FNDC3B: variants seen among roughly 807,000 people sequenced by gnomAD.
The protein encoded by FNDC3B is fibronectin type III domain containing 3B.
Under a neutral mutation model 151.5 loss-of-function variants are expected in FNDC3B, and 12 were observed. The ratio of observed to expected loss-of-function variants is 0.08; its 90% CI spans 0.05 to 0.13. The LOEUF (loss-of-function observed/expected upper bound fraction) is 0.13. FNDC3B is among the 10% of genes least tolerant of loss of function. The probability of loss-of-function intolerance (pLI) is 1.00; values close to 1 mark genes in which losing one functional copy is unlikely to be tolerated. For synonymous variants in FNDC3B, 528 were observed against 549.0 expected (o/e 0.96, Z 0.54); for missense variants, 1,214 against 1,505.3 (o/e 0.81, Z 3.20).
At chr3:172,381,467 G>T (rs1296338959) in intron 25 of FNDC3B, among the ~76,000 whole-genome samples, 1 of 151,288 alleles carries the variant, frequency 6.6e-6, no homozygotes, top group Non-Finnish European at 1.5e-5. Context: ...TGTTAGTATT[G>T]ATCTTTTTTT....
intron 25 of FNDC3B, among the ~76,000 whole-genome samples, chr3:172,391,078 G>T (rs1261017434): frequency 1.3e-5 from 2 of 152,048 alleles, no homozygotes; most frequent in East Asian, 3.9e-4. Context: ...GGTGAGGGTC[G>T]GTGTTTGATT....
At chr3:172,330,477 T>C in intron 12 of FNDC3B, 64 bp from the exon 13 acceptor site, 2 of 1,447,734 alleles carry the variant, frequency 1.4e-6, no homozygotes, top group Admixed American at 1.9e-5. Flanking sequence ...TGAGCCTTCC[T>C]CTTTTAAAAT....
In FNDC3B at chr3:172,229,117, ACACACACACACACACACAC is replaced by A. The variant is rs1560028722; in HGVS notation, c.264+2171_264+2189del. Among the ~76,000 whole-genome samples the A allele has an allele frequency of 1.2e-4, 18 of 151,256 alleles. No individual in the cohort carries two copies. The East Asian group carries it at 1.7e-3, about 15-fold the overall frequency. On this transcript the variant is annotated intron_variant, in intron 4 of 25. Coordinates refer to ENST00000415807, the MANE Select transcript of FNDC3B (RefSeq NM_022763.4). ...CACACACACACACACACACACACAC[ACACACACACACACACACAC>A]AATCTCCTGCAGCAGGCTGGACATA...
At chr3:172,121,338 C>G (rs1362690834) in intron 2 of FNDC3B, among the ~76,000 whole-genome samples, 1 of 152,122 alleles carries the variant, frequency 6.6e-6, no homozygotes, top group Non-Finnish European at 1.5e-5. Context: ...AGGCTGGGCG[C>G]TGGTTCATGT....
chr3:172,294,690 T>G (rs1730503456), intron 7 of FNDC3B, among the ~76,000 whole-genome samples: 1 of 152,204 alleles, frequency 6.6e-6, no homozygotes. Flanking sequence ...AGCTTAGTCC[T>G]TATAAACACC....
At chr3:172,041,276 A>G (rs1465946364) in intron 1 of FNDC3B, among the ~76,000 whole-genome samples, 3 of 152,104 alleles carry the variant, frequency 2.0e-5, no homozygotes, top group South Asian at 2.1e-4. Flanking sequence ...TTTAATGTGC[A>G]ACTAATTTGA....
chr3:172,300,423 G>T (rs932702088), intron 9 of FNDC3B, among the ~76,000 whole-genome samples: 3 of 151,970 alleles, frequency 2.0e-5, no homozygotes, highest in African/African-American at 7.3e-5. Context: ...ATGTTATGAA[G>T]AGTCTTCTCT....
Position 172,070,042 on chromosome 3 carries a change from T to C in FNDC3B, c.-29+30271T>C, listed in dbSNP as rs141785038. On this transcript the variant is annotated intron_variant, in intron 1 of 25. Transcript: ENST00000415807. ...TAAAGGGAGAAGTCAAGCTACTGCT[T>C]CCATTCCAGTCTCTGAATTCCAGGT... Among the ~76,000 whole-genome samples, 268 of 152,286 alleles carry C rather than the reference T, an allele frequency of 1.8e-3. 3 individuals are homozygous for C. The highest frequency in any genetic ancestry group is 6.1e-3 in the African/African-American group (254 of 41,550).
chr3:172,182,947 G>A (rs9825851), intron 3 of FNDC3B, among the ~76,000 whole-genome samples: 100,625 of 152,118 alleles, frequency 0.66, 33,866 homozygotes, highest in African/African-American at 0.78. Flanking sequence ...GAGAAATTAC[G>A]GAAAGCTGAT....
chr3:172,218,238 T>C lies in FNDC3B; in HGVS notation c.188-8633T>C, dbSNP rs144190957. On this transcript the variant is annotated intron_variant, in intron 3 of 25. Coordinates refer to ENST00000415807, the MANE Select transcript of FNDC3B (RefSeq NM_022763.4). The stretch of plus-strand genomic sequence containing the variant: ...CTAACTTTCCAAGATTTCCTAGAAA[T>C]TGGGGAAGCAGGACAGGTAATTTTG... 2.2e-3 allele frequency among the ~76,000 whole-genome samples: 338 copies of C among 150,868 alleles called. 1 individual carries two copies. Among genetic ancestry groups the C allele is most frequent in the African/African-American group, 7.7e-3 (315 of 40,972 alleles).
At chr3:172,251,658 A>T in intron 6 of FNDC3B, 117 bp downstream of exon 6, 1 of 935,056 alleles carries the variant, frequency 1.1e-6, no homozygotes, top group South Asian at 2.0e-5. Context: ...TTCTGCTAAG[A>T]ATATTTGAGT....
chr3:172,395,959 A>C (rs1284924426), intron 25 of FNDC3B, among the ~76,000 whole-genome samples: 2 of 152,222 alleles, frequency 1.3e-5, no homozygotes, highest in Non-Finnish European at 2.9e-5. Context: ...TCTCGTGCGC[A>C]AAGGGATCCA....
At chr3:172,354,458 G>C (rs946024068) in intron 22 of FNDC3B, among the ~76,000 whole-genome samples, 1 of 151,252 alleles carries the variant, frequency 6.6e-6, no homozygotes, top group Non-Finnish European at 1.5e-5. Flanking sequence ...GCCCGTATCA[G>C]TAAATGAGTA....
intron 11 of FNDC3B, among the ~76,000 whole-genome samples, chr3:172,322,735 GA>G (rs1431019210): frequency 2.0e-5 from 3 of 150,236 alleles, no homozygotes; most frequent in African/African-American, 7.6e-5. Context: ...TGGAGACAGG[GA>G]GAGTGGGGGC....
chr3:172,275,300 GA>G (rs1008396331), intron 6 of FNDC3B, among the ~76,000 whole-genome samples: 8 of 152,116 alleles, frequency 5.3e-5, no homozygotes, highest in African/African-American at 1.9e-4. Flanking sequence ...GTTTCATTCT[GA>G]GGGGGGGAAA....
In FNDC3B at chr3:172,109,377, G is replaced by A. The variant is rs982178392; in HGVS notation, c.-28-3075G>A. On this transcript the variant is annotated intron_variant, in intron 1 of 25. Coordinates refer to ENST00000415807, the MANE Select transcript of FNDC3B (RefSeq NM_022763.4). ...GAGACGGGGTTTCACCGTTTTAGCC[G>A]GGATGGTCTCGATCTCCTGACCTCG... Among the ~76,000 whole-genome samples the A allele has an allele frequency of 4.0e-5, 6 of 151,850 alleles. No individual in the cohort carries two copies. The South Asian group carries it at 6.2e-4, about 16-fold the overall frequency.
chr3:172,168,952 A>G (rs1386266232), intron 3 of FNDC3B, among the ~76,000 whole-genome samples: 2 of 150,422 alleles, frequency 1.3e-5, no homozygotes, highest in Non-Finnish European at 3.0e-5. Flanking sequence ...ACCTCAGATG[A>G]TCTGCCTGCC....
chr3:172,044,377 G>T (rs1405598402), intron 1 of FNDC3B, among the ~76,000 whole-genome samples: 1 of 150,586 alleles, frequency 6.6e-6, no homozygotes, highest in East Asian at 1.9e-4. Flanking sequence ...GCAACTGCCA[G>T]GTTCAGTATA....
At chr3:172,182,947 G>C (rs9825851) in intron 3 of FNDC3B, among the ~76,000 whole-genome samples, 1 of 152,046 alleles carries the variant, frequency 6.6e-6, no homozygotes, top group African/African-American at 2.4e-5. Context: ...GAGAAATTAC[G>C]GAAAGCTGAT....
Sources: allele counts gnomAD v4.1 joint callset (sites outside exome capture counted in the v4.1 genomes callset), GRCh38; gene constraint gnomAD v4.1.1; transcripts MANE v1.5; gene names NCBI Gene and HGNC (gene_info 2026-07-23, HGNC 2026-07-21).